The following ZDHHC2 variants were observed in gnomAD, a reference collection of about 807,000 sequenced individuals.
ZDHHC2 encodes palmitoyltransferase ZDHHC2.
Under a neutral mutation model 55.6 loss-of-function variants are expected in ZDHHC2, and 51 were observed. The ratio of observed to expected loss-of-function variants is 0.92; its 90% confidence interval spans 0.73 to 1.16. The LOEUF is 1.16. ZDHHC2 is among the 50% of genes most tolerant of loss of function. The pLI is 0.00. For synonymous variants in ZDHHC2, 199 were observed against 152.9 expected (o/e 1.30, Z -2.22); for missense variants, 491 against 442.4 (o/e 1.11, Z -0.99).
At chr8:17,173,449 G>A (rs1318882797) in intron 1 of ZDHHC2, among the ~76,000 whole-genome samples, 1 of 152,106 alleles carries the variant, frequency 6.6e-6, no homozygotes, top group East Asian at 1.9e-4. Context: ...GCTGAGGTGG[G>A]AGAATCATTT....
chr8:17,198,711 C>A (rs772554291), intron 6 of ZDHHC2, among the ~76,000 whole-genome samples: 1 of 152,142 alleles, frequency 6.6e-6, no homozygotes, highest in Admixed American at 6.5e-5. Flanking sequence ...GAATACTTCA[C>A]AGAAATACAC....
At chr8:17,214,755 A>G (rs190316737) in intron 10 of ZDHHC2, among the ~76,000 whole-genome samples, 40 of 152,150 alleles carry the variant, frequency 2.6e-4, no homozygotes, top group African/African-American at 9.6e-4. Flanking sequence ...AAAATAAAAC[A>G]AAATAATTAG....
At chr8:17,162,920 C>T (rs1278642918) in intron 1 of ZDHHC2, 1 of 152,250 alleles carries the variant, frequency 6.6e-6, no homozygotes, top group East Asian at 1.9e-4. Context: ...AGTCACGTTA[C>T]AGATCTTACC....
rs1225812368 is a variant in ZDHHC2 at position 17,201,490 on chromosome 8, T to G, written c.476+3077T>G. On this transcript the variant is annotated intron_variant, in intron 6 of 12. Transcript: ENST00000262096. ...TTTTCTCTCTCTCTCTCTTTTTTTT[T>G]TTTTTTTTTTTTTTTTTTTTTAGAT... is the stretch of plus-strand genomic sequence containing the variant. Among the ~76,000 whole-genome samples, 334 of 119,330 alleles carry G rather than the reference T, an allele frequency of 2.8e-3. 5 individuals carry two copies. Among genetic ancestry groups the G allele is most frequent in the African/African-American group, 7.5e-3 (230 of 30,700 alleles). The allele number at this position is 119,330 out of a possible 152,430, so 78.3% of individuals were successfully genotyped here. A position where few individuals can be genotyped will look rare whatever the true frequency, so the allele number is the denominator to read the frequency against.
rs535388766 is a variant in ZDHHC2 at position 17,164,173 on chromosome 8, C to T, written c.130+7320C>T. On this transcript the variant is annotated intron_variant, in intron 1 of 12. Coordinates refer to ENST00000262096, the MANE Select transcript of ZDHHC2 (RefSeq NM_016353.5). ...ATCACACTTTATATCATTTATGTAG[C>T]ATTTTTCCTAATTTGACTTTTTATC... is the stretch of plus-strand genomic sequence containing the variant. Among the ~76,000 whole-genome samples the T allele has an allele frequency of 4.6e-5, 7 of 152,258 alleles. No homozygotes were observed. The South Asian group carries it at 1.5e-3, about 32-fold the overall frequency.
intron 1 of ZDHHC2, among the ~76,000 whole-genome samples, chr8:17,171,396 C>A (rs1411506784): frequency 6.6e-6 from 1 of 152,138 alleles, no homozygotes; most frequent in African/African-American, 2.4e-5. Context: ...GATCAGATTT[C>A]CTTATTTATC....
In ZDHHC2 at chr8:17,203,783, C is replaced by T. The variant is rs73546456; in HGVS notation, c.477-1872C>T. On this transcript the variant is annotated intron_variant, in intron 6 of 12. Coordinates refer to ENST00000262096, the MANE Select transcript of ZDHHC2 (RefSeq NM_016353.5). ...TGTAACTGTTTCCATACAATGTGCA[C>T]GCACAATTTGTGGCTTCTTTTTTTT... Among the ~76,000 whole-genome samples the T allele has an allele frequency of 4.4e-3, 670 of 151,304 alleles. 3 individuals are homozygous for T. Among genetic ancestry groups the T allele is most frequent in the African/African-American group, 0.015 (638 of 41,306 alleles).
chr8:17,185,816 C>A (rs1379506125), intron 2 of ZDHHC2, among the ~76,000 whole-genome samples: 1 of 152,186 alleles, frequency 6.6e-6, no homozygotes, highest in Non-Finnish European at 1.5e-5. Context: ...TGAACTCCCA[C>A]TGAAGGAAAT....
chr8:17,182,127 G>A (rs958260756), intron 1 of ZDHHC2, among the ~76,000 whole-genome samples: 2 of 152,082 alleles, frequency 1.3e-5, no homozygotes, highest in African/African-American at 4.8e-5. Flanking sequence ...AAGTTAATTT[G>A]CAAACTTTGA....
intron 1 of ZDHHC2, among the ~76,000 whole-genome samples, chr8:17,177,436 A>G (rs1282764013): frequency 6.6e-6 from 1 of 152,254 alleles, no homozygotes; most frequent in African/African-American, 2.4e-5. Flanking sequence ...TTGTAAAGAT[A>G]TTAAAGCATA....
At chr8:17,190,944 A>C (rs1259247325) in intron 3 of ZDHHC2, among the ~76,000 whole-genome samples, 3 of 88,470 alleles carry the variant, frequency 3.4e-5, no homozygotes, top group Non-Finnish European at 7.2e-5. Context: ...ACTAGGTCTT[A>C]TTCATTCTTT....
chr8:17,184,570 A>C (rs1328326174), intron 1 of ZDHHC2, among the ~76,000 whole-genome samples: 4 of 152,244 alleles, frequency 2.6e-5, no homozygotes, highest in Non-Finnish European at 5.9e-5. Context: ...CCAGGGCTGA[A>C]GTGCGCAATG....
chr8:17,210,488 C>T lies in ZDHHC2; in HGVS notation c.950+8C>T. ...GAATTCCACAGCTAAAAAGTAATCT[C>T]ATATTTTTTTTCATTTTACTTTCAA... On this transcript the variant is annotated splice_region_variant and intron_variant, in intron 10 of 12. Transcript: ENST00000262096. 1.9e-6 allele frequency: 3 copies of T among 1,593,494 alleles called. No individual in the cohort carries two copies. The highest frequency in any genetic ancestry group is 2.3e-5 in the South Asian group (2 of 87,016).
rs139745550 is a variant in ZDHHC2 at position 17,170,499 on chromosome 8, G to C, written c.130+13646G>C. Among the ~76,000 whole-genome samples the C allele has an allele frequency of 4.4e-3, 672 of 152,274 alleles. 1 individual carries two copies. Among genetic ancestry groups the C allele is most frequent in the South Asian group, 9.1e-3 (44 of 4,826 alleles). ...AGTGTCAAATAATTTTATGAACCTA[G>C]AAATAATTGGATTAATTTTTAAATG... On this transcript the variant is annotated intron_variant, in intron 1 of 12. Transcript: ENST00000262096.
chr8:17,192,233 G>T (rs750466021), intron 3 of ZDHHC2, among the ~76,000 whole-genome samples: 1 of 152,090 alleles, frequency 6.6e-6, no homozygotes, highest in African/African-American at 2.4e-5. Context: ...TGGTCCTCCC[G>T]CTTTGGCCTC....
At chr8:17,198,272 T>C (rs1806427247) in intron 5 of ZDHHC2, 109 bp from the exon 6 acceptor site, 1 of 1,026,826 alleles carries the variant, frequency 9.7e-7, no homozygotes, top group African/African-American at 1.7e-5. Context: ...AATTTTGCAA[T>C]ATTTTACTTG....
intron 1 of ZDHHC2, among the ~76,000 whole-genome samples, chr8:17,183,904 A>G (rs1181419968): frequency 2.0e-5 from 3 of 152,110 alleles, no homozygotes; most frequent in African/African-American, 7.2e-5. Context: ...GGACTGAGCA[A>G]TCTTAAAAAT....
At chr8:17,199,803 A>C (rs373708350) in intron 6 of ZDHHC2, among the ~76,000 whole-genome samples, 4 of 133,878 alleles carry the variant, frequency 3.0e-5, no homozygotes, top group African/African-American at 8.7e-5. Flanking sequence ...TCTGTCGCCC[A>C]GGCTGGAGTG....
chr8:17,159,012 C>T (rs1320407563), intron 1 of ZDHHC2, among the ~76,000 whole-genome samples: 1 of 152,150 alleles, frequency 6.6e-6, no homozygotes, highest in Non-Finnish European at 1.5e-5. Flanking sequence ...GAAGGAAGAA[C>T]AAGTTGAAGC....
Sources: gnomAD v4.1 joint callset for allele counts (sites outside exome capture counted in the v4.1 genomes callset) on GRCh38, gnomAD v4.1.1 for gene constraint, MANE v1.5 for transcripts, NCBI Gene and HGNC (gene_info 2026-07-23, HGNC 2026-07-21) for gene names.